Variants in CTIF observed in about 807,000 individuals in gnomAD.
The protein encoded by CTIF is CBP80/20-dependent translation initiation factor.
A neutral mutation model predicts 66.0 loss-of-function variants in CTIF; 21 were observed. The observed-to-expected ratio is 0.32, with a 90% CI of 0.23 to 0.46. The LOEUF is 0.46. Among genes scored for constraint, CTIF ranks in the 20% least tolerant of loss-of-function variants. The probability of loss-of-function intolerance (pLI) is 1.00; values close to 1 mark genes in which losing one functional copy is unlikely to be tolerated. For synonymous variants in CTIF, 345 were observed against 326.4 expected, an observed-to-expected ratio of 1.06 and a Z score of -0.62; for missense variants, 739 against 812.7, an observed-to-expected ratio of 0.91 and a Z score of 1.10.
At chr18:48,709,650 CAGGGAGGG>C in intron 6 of CTIF, among the ~76,000 whole-genome samples, 1 of 152,194 alleles carries the variant, frequency 6.6e-6, no homozygotes, top group African/African-American at 2.4e-5. Flanking sequence ...CCTGGAGAGG[CAGGGAGGG>C]AGGGAAAGAG....
intron 1 of CTIF, among the ~76,000 whole-genome samples, chr18:48,546,734 T>C (rs903297563): frequency 5.9e-5 from 9 of 152,058 alleles, no homozygotes; most frequent in Non-Finnish European, 1.2e-4. Context: ...TCAAGAGCCC[T>C]GCCTAAAACA....
At chr18:48,735,748 T>C (rs187424332) in intron 7 of CTIF, among the ~76,000 whole-genome samples, 2 of 152,284 alleles carry the variant, frequency 1.3e-5, no homozygotes, top group Admixed American at 1.3e-4. Flanking sequence ...AAATAGGCTA[T>C]GATGGAGACT....
intron 9 of CTIF, among the ~76,000 whole-genome samples, chr18:48,807,520 A>G (rs150951627): frequency 9.6e-6 from 1 of 104,240 alleles, no homozygotes; most frequent in African/African-American, 4.0e-5. Flanking sequence ...TTTTCATTTA[A>G]CATTATATAA....
chr18:48,566,718 T>C (rs1445196303), intron 1 of CTIF: 7 of 152,224 alleles, frequency 4.6e-5, no homozygotes, highest in African/African-American at 1.7e-4. Flanking sequence ...TCCATTGCCT[T>C]TGGGGTGGGG....
At chr18:48,600,643 G>A (rs2090073616) in intron 1 of CTIF, among the ~76,000 whole-genome samples, 1 of 151,814 alleles carries the variant, frequency 6.6e-6, no homozygotes, top group Admixed American at 6.6e-5. Context: ...TGAGCTGAAG[G>A]GATATTTCTT....
intron 1 of CTIF, among the ~76,000 whole-genome samples, chr18:48,564,303 G>A (rs1324011604): frequency 6.6e-6 from 1 of 152,178 alleles, no homozygotes; most frequent in Admixed American, 6.5e-5. Context: ...TCTGTGGGTG[G>A]TGGAGGGAGC....
chr18:48,803,930 A>G (rs1290265073), intron 9 of CTIF, among the ~76,000 whole-genome samples: 1 of 152,166 alleles, frequency 6.6e-6, no homozygotes, highest in East Asian at 1.9e-4. Flanking sequence ...GAGAGAGGGG[A>G]GAGAAGGGAG....
chr18:48,760,245 T>C (rs1396683883), intron 8 of CTIF: 1 of 149,528 alleles, frequency 6.7e-6, no homozygotes, highest in Non-Finnish European at 1.5e-5. Flanking sequence ...TGGAGTGCAG[T>C]GGCCCAATCT....
At chr18:48,847,201 A>C (rs1373647513) in intron 10 of CTIF, among the ~76,000 whole-genome samples, 1 of 151,364 alleles carries the variant, frequency 6.6e-6, no homozygotes, top group Non-Finnish European at 1.5e-5. Flanking sequence ...CCAGCTCCTC[A>C]GGAGGCTGAG....
At chr18:48,829,424 A>G (rs2068645568) in intron 10 of CTIF, among the ~76,000 whole-genome samples, 2 of 152,188 alleles carry the variant, frequency 1.3e-5, no homozygotes, top group African/African-American at 2.4e-5. Flanking sequence ...TAAACCGGGC[A>G]CTGGGGGTGC....
intron 6 of CTIF, among the ~76,000 whole-genome samples, chr18:48,704,485 T>C (rs1005922406): frequency 5.3e-5 from 8 of 152,184 alleles, no homozygotes; most frequent in Admixed American, 2.0e-4. Flanking sequence ...GGGGCCGCCA[T>C]AACAAAGGAC....
rs115640176 is a variant in CTIF, at chr18:48,682,528, C to T, written c.507+11784C>T. On this transcript the variant is annotated intron_variant, in intron 6 of 11. Transcript: ENST00000256413. The stretch of plus-strand genomic sequence containing the variant: ...CAACAGTTGGAGAACCACTGCCTTA[C>T]GACCTACTTGCAGGCCACTGGCTTT... 8.1e-3 allele frequency among the ~76,000 whole-genome samples: 1,227 copies of T among 152,316 alleles called. 15 individuals carry two copies. Among genetic ancestry groups the T allele is most frequent in the African/African-American group, 0.027 (1,140 of 41,578 alleles).
intron 2 of CTIF, among the ~76,000 whole-genome samples, chr18:48,625,480 T>A (rs2090577121): frequency 6.6e-6 from 1 of 152,254 alleles, no homozygotes; most frequent in South Asian, 2.1e-4. Flanking sequence ...AAATCTTCTG[T>A]GCTACCACCT....
chr18:48,599,564 T>C (rs1294843870), intron 1 of CTIF, among the ~76,000 whole-genome samples: 1 of 152,090 alleles, frequency 6.6e-6, no homozygotes, highest in Admixed American at 6.5e-5. Context: ...CAATCCCGGG[T>C]TATTACAGCC....
intron 10 of CTIF, among the ~76,000 whole-genome samples, chr18:48,849,034 C>G (rs2069140419): frequency 1.3e-5 from 2 of 152,154 alleles, no homozygotes; most frequent in Admixed American, 1.3e-4. Context: ...GTGCCAGAGA[C>G]TCTGATGAGT....
At chr18:48,783,024 C>T (rs1302645689) in intron 9 of CTIF, among the ~76,000 whole-genome samples, 1 of 152,226 alleles carries the variant, frequency 6.6e-6, no homozygotes, top group African/African-American at 2.4e-5. Context: ...TGTTTTTCTC[C>T]TTCATCTCCA....
rs1415244726 is a variant in CTIF at position 48,626,421 on chromosome 18, C to T, written c.180+6676C>T. 3.3e-5 allele frequency among the ~76,000 whole-genome samples: 5 copies of T among 152,022 alleles called. No homozygotes were observed. In the East Asian group the frequency reaches 9.6e-4, roughly 29 times the overall value. On this transcript the variant is annotated intron_variant, in intron 2 of 11. Transcript: ENST00000256413. Reference sequence around the variant, plus strand: ...AGATTGCCATGGCATGCTCTCGGCTCACTGCAACCTCTGCCTCCCAGGTTC... The same window carrying T: ...AGATTGCCATGGCATGCTCTCGGCTTACTGCAACCTCTGCCTCCCAGGTTC...
chr18:48,623,719 C>A (rs1174708573), intron 2 of CTIF, among the ~76,000 whole-genome samples: 1 of 152,072 alleles, frequency 6.6e-6, no homozygotes, highest in Non-Finnish European at 1.5e-5. Flanking sequence ...GAATGTTGCT[C>A]TTCAGCTGGT....
chr18:48,834,455 C>A (rs2068765121), intron 10 of CTIF, among the ~76,000 whole-genome samples: 1 of 152,244 alleles, frequency 6.6e-6, no homozygotes, highest in Non-Finnish European at 1.5e-5. Flanking sequence ...GGCCGGTGGA[C>A]TATAGTTCGC....
Sources: gnomAD v4.1 joint callset for allele counts (sites outside exome capture counted in the v4.1 genomes callset) on GRCh38, gnomAD v4.1.1 for gene constraint, MANE v1.5 for transcripts, NCBI Gene and HGNC (gene_info 2026-07-23, HGNC 2026-07-21) for gene names.